PKP4: variants seen among roughly 807,000 people sequenced by gnomAD.
PKP4 encodes plakophilin 4.
PKP4 carries 90 observed loss-of-function variants against 145.1 expected under a neutral mutation model. The ratio of observed to expected loss-of-function variants is 0.62; its 90% CI spans 0.52 to 0.74. The LOEUF is 0.74. Ranked by LOEUF, PKP4 falls within the 30% of genes least tolerant of loss-of-function variation. The pLI is 0.00. For synonymous variants in PKP4, 563 were observed against 577.2 expected, an observed-to-expected ratio of 0.98 and a Z score of 0.35; for missense variants, 1,340 against 1,482.7, an observed-to-expected ratio of 0.90 and a Z score of 1.58.
intron 1 of PKP4, among the ~76,000 whole-genome samples, chr2:158,462,967 T>C (rs2105377569): frequency 6.6e-6 from 1 of 152,350 alleles, no homozygotes; most frequent in East Asian, 1.9e-4. Context: ...TATGATGGTT[T>C]CTGCAGCATT....
intron 6 of PKP4, among the ~76,000 whole-genome samples, chr2:158,624,363 C>A (rs1259545714): frequency 6.6e-6 from 1 of 152,016 alleles, no homozygotes; most frequent in Non-Finnish European, 1.5e-5. Context: ...TTAATGGGAC[C>A]AACCCATAAA....
intron 1 of PKP4, among the ~76,000 whole-genome samples, chr2:158,472,926 G>A (rs977789827): frequency 1.3e-4 from 20 of 152,080 alleles, no homozygotes; most frequent in African/African-American, 4.8e-4. Context: ...TCTGACAAAG[G>A]TCTAATATCC....
chr2:158,650,724 G>A (rs575549935), intron 11 of PKP4, among the ~76,000 whole-genome samples: 1 of 152,330 alleles, frequency 6.6e-6, no homozygotes, highest in African/African-American at 2.4e-5. Context: ...AAGCTGAGAT[G>A]GTGGTGTTCC....
At chr2:158,495,559 G>A (rs1028389014) in intron 1 of PKP4, among the ~76,000 whole-genome samples, 1 of 151,982 alleles carries the variant, frequency 6.6e-6, no homozygotes, top group African/African-American at 2.4e-5. Flanking sequence ...GGAGTGTCCG[G>A]GTGCCGTGGC....
rs2042889397 is a variant in PKP4, at chr2:158,525,956, G to A, written c.-5-7224G>A. Reference sequence around the variant, plus strand: ...CAGGAAGAAGTTGAATCTCTGAATAGACCAATAACAGGAGCTGAAATTGTG... The same window carrying A: ...CAGGAAGAAGTTGAATCTCTGAATAAACCAATAACAGGAGCTGAAATTGTG... On this transcript the variant is annotated intron_variant, in intron 1 of 21. Transcript: ENST00000389759. 2.0e-5 allele frequency among the ~76,000 whole-genome samples: 3 copies of A among 151,258 alleles called. No homozygotes were observed. The South Asian group carries it at 6.3e-4, about 32-fold the overall frequency.
chr2:158,560,614 A>G (rs2046435358), intron 2 of PKP4, among the ~76,000 whole-genome samples: 1 of 152,198 alleles, frequency 6.6e-6, no homozygotes, highest in South Asian at 2.1e-4. Flanking sequence ...TTAGGAAATG[A>G]AAATATATTT....
At chr2:158,618,208 T>C (rs2051835674) in intron 4 of PKP4, among the ~76,000 whole-genome samples, 1 of 152,186 alleles carries the variant, frequency 6.6e-6, no homozygotes, top group Non-Finnish European at 1.5e-5. Flanking sequence ...ACCTTATTTA[T>C]AGAATAGAAG....
At chr2:158,488,141 C>T (rs1196109439) in intron 1 of PKP4, among the ~76,000 whole-genome samples, 1 of 152,106 alleles carries the variant, frequency 6.6e-6, no homozygotes, top group African/African-American at 2.4e-5. Flanking sequence ...TTTTTGTATA[C>T]ATGTGTTGCT....
intron 4 of PKP4, among the ~76,000 whole-genome samples, chr2:158,607,810 A>G (rs1375665138): frequency 6.6e-6 from 1 of 152,164 alleles, no homozygotes; most frequent in Non-Finnish European, 1.5e-5. Context: ...TTTACAGTCT[A>G]GAGAGAATGA....
chr2:158,658,475 C>T (rs2056210991), intron 12 of PKP4, 161 bp downstream of exon 12: 1 of 547,980 alleles, frequency 1.8e-6, no homozygotes, highest in South Asian at 2.6e-5. Context: ...AGAAAAACAT[C>T]GTGAGCACAG....
At chr2:158,502,751 C>T (rs1040498013) in intron 1 of PKP4, among the ~76,000 whole-genome samples, 9 of 152,184 alleles carry the variant, frequency 5.9e-5, no homozygotes, top group African/African-American at 1.9e-4. Context: ...GGTTAACCCG[C>T]ATGCTGATAG....
intron 6 of PKP4, among the ~76,000 whole-genome samples, chr2:158,623,120 A>C (rs2052412984): frequency 6.6e-6 from 1 of 151,874 alleles, no homozygotes; most frequent in South Asian, 2.1e-4. Flanking sequence ...GTCATGTGGG[A>C]TTTTCTTTGC....
Position 158,625,960 on chromosome 2 carries a change from C to T in PKP4, c.1153+533C>T, listed in dbSNP as rs910888950. On this transcript the variant is annotated intron_variant, in intron 7 of 21. Transcript: ENST00000389759. ...GCGCTTATGAATCACTTTTACATGC[C>T]ACTCCTATTAAAGCAGAAAGACACC... is the stretch of plus-strand genomic sequence containing the variant. 2.0e-5 allele frequency among the ~76,000 whole-genome samples: 3 copies of T among 152,000 alleles called. No individual in the cohort carries two copies. The East Asian group carries it at 5.8e-4, about 29-fold the overall frequency.
chr2:158,500,383 G>T (rs914690839), intron 1 of PKP4, among the ~76,000 whole-genome samples: 1 of 152,092 alleles, frequency 6.6e-6, no homozygotes, highest in Admixed American at 6.5e-5. Flanking sequence ...ATACATTTTT[G>T]TTCTTTCATA....
At chr2:158,573,013 T>C (rs2047537630) in intron 2 of PKP4, among the ~76,000 whole-genome samples, 1 of 152,214 alleles carries the variant, frequency 6.6e-6, no homozygotes, top group Non-Finnish European at 1.5e-5. Flanking sequence ...TAGGTCTCTT[T>C]GCTCTGGAGA....
Position 158,625,138 on chromosome 2 carries a change from T to A in PKP4, c.864T>A (p.Ile288=). The A allele has an allele frequency of 1.2e-6, 2 of 1,614,114 alleles. No individual in the cohort carries two copies. Among genetic ancestry groups the A allele is most frequent in the Non-Finnish European group, 1.7e-6 (2 of 1,180,020 alleles). ...CCTCCCCAACAGCTATACGGCGGATTGGGTCAGTCACCTCCCGGCAGACCT... is the reference window on the plus strand; with the variant it reads ...CCTCCCCAACAGCTATACGGCGGATAGGGTCAGTCACCTCCCGGCAGACCT... The part of the protein sequence containing the change: ...RPASPTAIRR[I]GSVTSRQTSN... The change falls in exon 7 of 22, where the codon ATT becomes ATA. Residue 288 remains isoleucine, a synonymous_variant. Transcript: ENST00000389759.
At chr2:158,555,955 A>G (rs1186572141) in intron 2 of PKP4, among the ~76,000 whole-genome samples, 2 of 152,222 alleles carry the variant, frequency 1.3e-5, no homozygotes, top group Non-Finnish European at 2.9e-5. Context: ...ATCTAACTCA[A>G]GATACTTTAA....
chr2:158,677,663 T>C (rs2058124231), intron 20 of PKP4, among the ~76,000 whole-genome samples: 1 of 152,270 alleles, frequency 6.6e-6, no homozygotes, highest in South Asian at 2.1e-4. Flanking sequence ...ATTGTACTGT[T>C]GTCTTTGAAA....
intron 20 of PKP4, 72 bp downstream of exon 20, chr2:158,676,939 G>A (rs761026352): frequency 1.3e-6 from 2 of 1,574,606 alleles, no homozygotes; most frequent in African/African-American, 2.7e-5. Context: ...CCAGTGGCCT[G>A]GGAAGTAGCC....
Sources: allele counts gnomAD v4.1 joint callset (sites outside exome capture counted in the v4.1 genomes callset), GRCh38; gene constraint gnomAD v4.1.1; transcripts MANE v1.5; gene names NCBI Gene and HGNC (gene_info 2026-07-23, HGNC 2026-07-21).